F13A1: variants seen among roughly 807,000 people sequenced by gnomAD.
The protein encoded by F13A1 is FSF, A subunit.
F13A1 carries 47 observed loss-of-function variants against 80.1 expected under a neutral mutation model. The ratio of observed to expected loss-of-function variants is 0.59; its 90% confidence interval spans 0.46 to 0.75. The LOEUF (loss-of-function observed/expected upper bound fraction) is 0.75, where lower values mean the gene tolerates loss of function less well. F13A1 is among the 30% of genes least tolerant of loss of function. The probability of loss-of-function intolerance (pLI) is 0.00; values close to 1 mark genes in which losing one functional copy is unlikely to be tolerated. For synonymous variants in F13A1, 349 were observed against 344.9 expected (o/e 1.01, Z -0.13); for missense variants, 817 against 930.4 (o/e 0.88, Z 1.59).
intron 14 of F13A1, 108 bp from the exon 15 acceptor site, chr6:6,145,880 G>A: frequency 6.8e-7 from 1 of 1,468,562 alleles, no homozygotes; most frequent in Non-Finnish European, 9.4e-7. Flanking sequence ...CTCTCAGTTG[G>A]TGCTTAGGAC....
At chr6:6,205,695 G>A (rs1252490725) in intron 8 of F13A1, among the ~76,000 whole-genome samples, 1 of 151,712 alleles carries the variant, frequency 6.6e-6, no homozygotes, top group African/African-American at 2.4e-5. Context: ...TTTTCCCCAT[G>A]GTGTGATTAC....
At chr6:6,168,810 C>T (rs922604702) in intron 12 of F13A1, among the ~76,000 whole-genome samples, 1 of 152,180 alleles carries the variant, frequency 6.6e-6, no homozygotes, top group African/African-American at 2.4e-5. Flanking sequence ...GAGCAGAGGG[C>T]AGGGCCCCTG....
Position 6,162,419 on chromosome 6 carries a change from T to C in F13A1, c.1908+5039A>G, listed in dbSNP as rs1345876516. Among the ~76,000 whole-genome samples the C allele has an allele frequency of 6.6e-6, 1 of 152,230 alleles. No individual in the cohort carries two copies. Among genetic ancestry groups the C allele is most frequent in the Non-Finnish European group, 1.5e-5 (1 of 68,038 alleles). ...GTTCATTGGAGACCATTCATCTTTC[T>C]ACAGTCTTAATTCTTGATGTCCCAC... On this transcript the variant is annotated intron_variant, in intron 13 of 14. Transcript: ENST00000264870. The surrounding 1 kb of genome is among the most constrained non-coding windows in gnomAD (Gnocchi z 4.2).
intron 3 of F13A1, among the ~76,000 whole-genome samples, chr6:6,293,080 G>A (rs1440748444): frequency 3.9e-5 from 6 of 152,112 alleles, no homozygotes; most frequent in African/African-American, 1.2e-4. Flanking sequence ...GAATCTGTGA[G>A]GGCCATCATA....
At position 6,205,438 on chromosome 6, in the gene F13A1, T is replaced by C. The variant is rs1310641537; in HGVS notation, c.1113-8112A>G. Among the ~76,000 whole-genome samples, 3 of 152,236 alleles carry C rather than the reference T, an allele frequency of 2.0e-5. No individual in the cohort carries two copies. The East Asian group carries it at 5.8e-4, about 29-fold the overall frequency. On this transcript the variant is annotated intron_variant, in intron 8 of 14. Transcript: ENST00000264870. ...GTTCTACCAGGGCATCCTGGCTAGA[T>C]ACCAGTCCAGATGTCCTCACTCACA...
At chr6:6,221,621 C>T (rs1262265328) in intron 8 of F13A1, among the ~76,000 whole-genome samples, 1 of 152,122 alleles carries the variant, frequency 6.6e-6, no homozygotes, top group Non-Finnish European at 1.5e-5. Context: ...TAAGATCATG[C>T]ATACACCAAG....
Position 6,296,929 on chromosome 6 carries a change from C to T in F13A1, c.319+8422G>A, listed in dbSNP as rs937782619. Among the ~76,000 whole-genome samples, 103 of 148,212 alleles carry T rather than the reference C, an allele frequency of 6.9e-4. 2 individuals carry two copies. Among genetic ancestry groups the T allele is most frequent in the South Asian group, 3.8e-3 (18 of 4,754 alleles). ...ATTTTGAAATACATCCCATCAATAC[C>T]TAATTTATTGAGAGTTTTTAGCATG... On this transcript the variant is annotated intron_variant, in intron 3 of 14. Transcript: ENST00000264870.
intron 3 of F13A1, among the ~76,000 whole-genome samples, chr6:6,299,871 T>C (rs746860062): frequency 1.4e-5 from 2 of 147,916 alleles, no homozygotes; most frequent in Non-Finnish European, 2.9e-5. Context: ...TTTCCCCATC[T>C]TTGTGGTTTT....
At chr6:6,273,437 AC>A (rs751310936) in intron 3 of F13A1, among the ~76,000 whole-genome samples, 4 of 152,114 alleles carry the variant, frequency 2.6e-5, no homozygotes, top group Non-Finnish European at 5.9e-5. Context: ...CAAGAAAGAA[AC>A]TTTTTTATTT....
At chr6:6,304,985 C>G in intron 3 of F13A1, 2 of 357,064 alleles carry the variant, frequency 5.6e-6, no homozygotes, top group Non-Finnish European at 1.1e-5. Flanking sequence ...GGAATGCATA[C>G]TTGGATTGCA....
intron 2 of F13A1, among the ~76,000 whole-genome samples, chr6:6,311,982 ATATT>A (rs1372421951): frequency 4.7e-5 from 7 of 147,904 alleles, no homozygotes; most frequent in South Asian, 2.1e-4. Context: ...TATAAACAAT[ATATT>A]TATATATGAT....
chr6:6,297,959 G>A (rs1299109837), intron 3 of F13A1, among the ~76,000 whole-genome samples: 8 of 149,986 alleles, frequency 5.3e-5, no homozygotes, highest in Non-Finnish European at 8.8e-5. Context: ...CTTTGTTCTC[G>A]TTGGTTTCAA....
intron 8 of F13A1, among the ~76,000 whole-genome samples, chr6:6,219,796 A>G (rs1993552): frequency 0.17 from 25,541 of 152,186 alleles, 2,368 homozygotes; most frequent in Non-Finnish European, 0.21. Flanking sequence ...CAGAAATAGC[A>G]CAGTCATCTT....
chr6:6,174,159 G>A (rs1001089627), intron 12 of F13A1, among the ~76,000 whole-genome samples: 1 of 152,172 alleles, frequency 6.6e-6, no homozygotes, highest in Non-Finnish European at 1.5e-5. Context: ...GCAGGCCGAG[G>A]TGGGTGGATC....
At chr6:6,278,021 A>G (rs534198757) in intron 3 of F13A1, among the ~76,000 whole-genome samples, 5 of 152,186 alleles carry the variant, frequency 3.3e-5, no homozygotes, top group Non-Finnish European at 7.3e-5. Context: ...GCAGGCTGTA[A>G]CCTTTTATAA....
At position 6,254,869 on chromosome 6, in the gene F13A1, T is replaced by C. The variant is rs530300589; in HGVS notation, c.572-3940A>G. 9.8e-4 allele frequency among the ~76,000 whole-genome samples: 150 copies of C among 152,306 alleles called. 1 individual carries two copies. The highest frequency in any genetic ancestry group is 3.5e-3 in the African/African-American group (146 of 41,544). ...CTCTTTTTATGCTTTTATTATTTTT[T>C]ATTTCTATAATGAGACTTTTCCATC... On this transcript the variant is annotated intron_variant, in intron 4 of 14. Transcript: ENST00000264870.
At chr6:6,178,455 G>T (rs1760923509) in intron 11 of F13A1, among the ~76,000 whole-genome samples, 1 of 152,144 alleles carries the variant, frequency 6.6e-6, no homozygotes, top group Admixed American at 6.6e-5. Flanking sequence ...GTGGATGGTG[G>T]TTCTCTTCAC....
At chr6:6,207,326 C>A (rs1208587673) in intron 8 of F13A1, among the ~76,000 whole-genome samples, 2 of 152,194 alleles carry the variant, frequency 1.3e-5, no homozygotes, top group African/African-American at 4.8e-5. Flanking sequence ...AAGCTCCATT[C>A]TCAGGGCTTG....
intron 8 of F13A1, among the ~76,000 whole-genome samples, chr6:6,207,999 A>G (rs920301004): frequency 6.6e-6 from 1 of 152,248 alleles, no homozygotes; most frequent in African/African-American, 2.4e-5. Flanking sequence ...AACAAAAATT[A>G]TAAGACACAG....
Sources: gnomAD v4.1 joint callset for allele counts (sites outside exome capture counted in the v4.1 genomes callset) on GRCh38, gnomAD v4.1.1 for gene constraint, Gnocchi (gnomAD v3.1) non-coding constraint, MANE v1.5 for transcripts, NCBI Gene and HGNC (gene_info 2026-07-23, HGNC 2026-07-21) for gene names.